Variants in ARHGEF28 observed in about 807,000 individuals in gnomAD.
ARHGEF28 encodes 190 kDa guanine nucleotide exchange factor.
In ARHGEF28, 152 loss-of-function variants were observed where a neutral mutation model predicts 206.6. That is an observed-to-expected ratio of 0.74 (90% CI 0.64 to 0.84). The LOEUF (loss-of-function observed/expected upper bound fraction) is 0.84, where lower values mean the gene tolerates loss of function less well. ARHGEF28 is among the 40% of genes least tolerant of loss of function. ARHGEF28 has a pLI of 0.00. For synonymous variants in ARHGEF28, 763 were observed against 776.4 expected (o/e 0.98, Z 0.29); for missense variants, 2,028 against 2,073.2 (o/e 0.98, Z 0.42).
chr5:73,644,546 A>G (rs1744317607), intron 1 of ARHGEF28, among the ~76,000 whole-genome samples: 1 of 152,300 alleles, frequency 6.6e-6, no homozygotes, highest in African/African-American at 2.4e-5. Flanking sequence ...TTCAGTCCTC[A>G]TGACCCTTCA....
At chr5:73,861,563 G>T (rs368709623) in intron 16 of ARHGEF28, among the ~76,000 whole-genome samples, 2 of 152,300 alleles carry the variant, frequency 1.3e-5, no homozygotes, top group South Asian at 4.1e-4. Context: ...CTCCTGAGTC[G>T]CTGGGACTAT....
chr5:73,809,170 A>C (rs190471062), intron 9 of ARHGEF28, among the ~76,000 whole-genome samples: 1 of 151,076 alleles, frequency 6.6e-6, no homozygotes, highest in Non-Finnish European at 1.5e-5. Context: ...ATGTGACTGC[A>C]CTCCAGCCTG....
intron 16 of ARHGEF28, among the ~76,000 whole-genome samples, chr5:73,863,535 G>T (rs1194855804): frequency 2.0e-5 from 3 of 151,890 alleles, no homozygotes; most frequent in Admixed American, 2.0e-4. Context: ...GTCCTTGCCT[G>T]TCTCATGAAG....
chr5:73,650,051 A>T (rs1165169891), intron 1 of ARHGEF28, among the ~76,000 whole-genome samples: 1 of 152,172 alleles, frequency 6.6e-6, no homozygotes, highest in African/African-American at 2.4e-5. Context: ...GGGTTGTGTC[A>T]GGAGAAAGTA....
In ARHGEF28 at chr5:73,866,891, A is replaced by G. The variant is rs1395047417; in HGVS notation, c.2152+878A>G. Among the ~76,000 whole-genome samples, 7 of 152,288 alleles carry G rather than the reference A, an allele frequency of 4.6e-5. No individual in the cohort carries two copies. The South Asian group carries it at 1.5e-3, about 32-fold the overall frequency. ...TTTCATTTCCATGTAACAAAGTGTG[A>G]CTGATATTTTAAAACCACTTTAATC... On this transcript the variant is annotated intron_variant, in intron 18 of 35. Transcript: ENST00000513042.
chr5:73,816,783 T>C (rs1201099102), intron 9 of ARHGEF28, among the ~76,000 whole-genome samples: 1 of 152,230 alleles, frequency 6.6e-6, no homozygotes, highest in Admixed American at 6.5e-5. Flanking sequence ...TGAAAGCAGT[T>C]AAAACCAGGC....
chr5:73,663,462 G>A (rs1745750834), intron 1 of ARHGEF28, among the ~76,000 whole-genome samples: 2 of 152,178 alleles, frequency 1.3e-5, no homozygotes, highest in African/African-American at 2.4e-5. Context: ...TAAAGCAAAA[G>A]CTCCCTTCAT....
At chr5:73,873,899 A>G (rs1580018432) in intron 22 of ARHGEF28, among the ~76,000 whole-genome samples, 1 of 144,528 alleles carries the variant, frequency 6.9e-6, no homozygotes, top group Admixed American at 7.4e-5. Context: ...CAGGAATGCA[A>G]TTTCTGGGTT....
At chr5:73,818,556 G>C (rs1756375119) in intron 9 of ARHGEF28, among the ~76,000 whole-genome samples, 1 of 152,136 alleles carries the variant, frequency 6.6e-6, no homozygotes, top group Non-Finnish European at 1.5e-5. Context: ...TTCTAAAGGT[G>C]ACATAACCTG....
chr5:73,896,304 G>A (rs1761955793), intron 29 of ARHGEF28, among the ~76,000 whole-genome samples: 2 of 152,286 alleles, frequency 1.3e-5, no homozygotes, highest in African/African-American at 4.8e-5. Context: ...AGCTTCACGT[G>A]TTTAAGGAAA....
intron 11 of ARHGEF28, among the ~76,000 whole-genome samples, chr5:73,844,006 T>TA (rs1442220037): frequency 6.6e-6 from 1 of 152,190 alleles, no homozygotes; most frequent in African/African-American, 2.4e-5. Context: ...AAACTCTAGT[T>TA]ACAACCTAAT....
rs1391717260 is a variant in ARHGEF28 at position 73,870,309 on chromosome 5, A to G, written c.2566+100A>G. On this transcript the variant is annotated intron_variant, in intron 21 of 35. Transcript: ENST00000513042. The stretch of plus-strand genomic sequence containing the variant: ...CAGAGTTGGGTAAAATCCCAGTTCT[A>G]TCATTTTCTATTTACCTGATCGCAG... The G allele has an allele frequency of 2.9e-6, 4 of 1,356,654 alleles. No individual in the cohort carries two copies. The Admixed American group carries it at 8.5e-5, about 29-fold the overall frequency. The allele number at this position is 1,356,654 out of a possible 1,614,324, so 84.0% of individuals were successfully genotyped here.
intron 9 of ARHGEF28, among the ~76,000 whole-genome samples, chr5:73,809,133 T>C (rs1481314657): frequency 4.6e-5 from 7 of 151,600 alleles, no homozygotes; most frequent in Middle Eastern, 3.4e-3. Flanking sequence ...GGAGCCTGGA[T>C]GGCGGAAGTA....
intron 10 of ARHGEF28, among the ~76,000 whole-genome samples, chr5:73,837,719 C>T (rs1757738113): frequency 6.7e-6 from 1 of 149,300 alleles, no homozygotes; most frequent in African/African-American, 2.5e-5. Flanking sequence ...TTCTTCCTTC[C>T]TTCCTTCCTT....
rs1002652429 is a variant in ARHGEF28, at chr5:73,841,913, T to C, written c.1427+1153T>C. ...ATGAGTGTTTGTTTTATTTAACATA[T>C]GTTTGTATTTTATATTTTAACATAA... On this transcript the variant is annotated intron_variant, in intron 11 of 35. Coordinates refer to ENST00000513042, the MANE Select transcript of ARHGEF28 (RefSeq NM_001177693.2). 2.6e-5 allele frequency among the ~76,000 whole-genome samples: 4 copies of C among 152,142 alleles called. No homozygotes were observed. The East Asian group carries it at 5.8e-4, about 22-fold the overall frequency.
At chr5:73,776,161 C>T (rs1161302252) in intron 5 of ARHGEF28, among the ~76,000 whole-genome samples, 1 of 152,140 alleles carries the variant, frequency 6.6e-6, no homozygotes, top group Non-Finnish European at 1.5e-5. Flanking sequence ...CTAATTTGTT[C>T]TACTACAGGT....
At chr5:73,729,045 G>A (rs554630554) in intron 2 of ARHGEF28, among the ~76,000 whole-genome samples, 2 of 152,298 alleles carry the variant, frequency 1.3e-5, no homozygotes, top group Admixed American at 6.5e-5. Flanking sequence ...GATAGCTAGA[G>A]GCAATTCTTG....
intron 16 of ARHGEF28, among the ~76,000 whole-genome samples, chr5:73,863,804 G>T (rs1759542066): frequency 1.3e-5 from 2 of 151,846 alleles, no homozygotes; most frequent in South Asian, 4.2e-4. Context: ...TGAGGAGAGG[G>T]CTGTCTGAAT....
At chr5:73,754,311 C>G (rs1752186378) in intron 4 of ARHGEF28, among the ~76,000 whole-genome samples, 1 of 152,150 alleles carries the variant, frequency 6.6e-6, no homozygotes, top group Admixed American at 6.5e-5. Context: ...CACTAAAACT[C>G]TTCTGGGTAC....
Sources: gnomAD v4.1 joint callset for allele counts (sites outside exome capture counted in the v4.1 genomes callset) on GRCh38, gnomAD v4.1.1 for gene constraint, MANE v1.5 for transcripts, NCBI Gene and HGNC (gene_info 2026-07-23, HGNC 2026-07-21) for gene names.